IGF1R: variants seen among roughly 807,000 people sequenced by gnomAD.
IGF1R encodes insulin-like growth factor 1 receptor.
A neutral mutation model predicts 144.6 loss-of-function variants in IGF1R; 44 were observed. That is an observed-to-expected ratio of 0.30 (90% CI 0.24 to 0.39). The LOEUF (loss-of-function observed/expected upper bound fraction) is 0.39, where lower values mean the gene tolerates loss of function less well. Among genes scored for constraint, IGF1R ranks in the 10% least tolerant of loss-of-function variants. The probability of loss-of-function intolerance (pLI) is 1.00; values close to 1 mark genes in which losing one functional copy is unlikely to be tolerated. For missense variants in IGF1R, 1,355 were observed against 1,833.7 expected (o/e 0.74, Z 4.77); for synonymous variants, 795 against 722.8 (o/e 1.10, Z -1.60).
intron 2 of IGF1R, among the ~76,000 whole-genome samples, chr15:98,804,992 G>A (rs371580146): frequency 3.3e-5 from 5 of 152,252 alleles, no homozygotes; most frequent in South Asian, 2.1e-4. Flanking sequence ...CGCCACTCCC[G>A]GCCGCTGCAG....
intron 1 of IGF1R, among the ~76,000 whole-genome samples, chr15:98,684,260 C>CTA (rs3070568): frequency 0.34 from 51,176 of 151,914 alleles, 9,615 homozygotes; most frequent in African/African-American, 0.51. Flanking sequence ...CTGGCAGCCT[C>CTA]TGATAGATCT....
intron 2 of IGF1R, among the ~76,000 whole-genome samples, chr15:98,861,951 A>AT (rs1373730210): frequency 6.6e-6 from 1 of 152,180 alleles, no homozygotes; most frequent in Non-Finnish European, 1.5e-5. Flanking sequence ...TTTGGCCTCA[A>AT]TTTTTTGTTA....
intron 2 of IGF1R, among the ~76,000 whole-genome samples, chr15:98,725,814 T>G (rs10163023): frequency 0.099 from 15,138 of 152,208 alleles, 1,519 homozygotes; most frequent in African/African-American, 0.25. Flanking sequence ...AAAAGGTACT[T>G]CTTACATGGT....
intron 2 of IGF1R, among the ~76,000 whole-genome samples, chr15:98,846,875 T>C (rs1298376518): frequency 6.6e-6 from 1 of 152,198 alleles, no homozygotes; most frequent in Non-Finnish European, 1.5e-5. Context: ...AACACCTTGT[T>C]TTAGGCTTGC....
At chr15:98,757,201 G>A (rs552961943) in intron 2 of IGF1R, among the ~76,000 whole-genome samples, 44 of 151,618 alleles carry the variant, frequency 2.9e-4, no homozygotes, top group Middle Eastern at 3.4e-3. Context: ...TCACTCTGTC[G>A]CCCAGGCTGT....
chr15:98,856,466 T>C (rs1331769198), intron 2 of IGF1R, among the ~76,000 whole-genome samples: 2 of 152,230 alleles, frequency 1.3e-5, no homozygotes, highest in Admixed American at 1.3e-4. Flanking sequence ...TGTAAAACAC[T>C]TAGCGTTGGG....
intron 2 of IGF1R, among the ~76,000 whole-genome samples, chr15:98,810,648 A>G (rs1321501925): frequency 6.7e-6 from 1 of 149,862 alleles, no homozygotes; most frequent in Non-Finnish European, 1.5e-5. Flanking sequence ...TCCCGGCTTC[A>G]CGCCATTCTT....
intron 2 of IGF1R, among the ~76,000 whole-genome samples, chr15:98,812,811 G>A (rs1468029284): frequency 6.6e-6 from 1 of 152,144 alleles, no homozygotes; most frequent in African/African-American, 2.4e-5. Flanking sequence ...GTCCCTGCTT[G>A]GGGCATTGTC....
chr15:98,683,017 C>T (rs1342265476), intron 1 of IGF1R, among the ~76,000 whole-genome samples: 1 of 150,626 alleles, frequency 6.6e-6, no homozygotes. Context: ...CAGTGTATCT[C>T]GTGTGCACTG....
intron 1 of IGF1R, among the ~76,000 whole-genome samples, chr15:98,663,809 C>T (rs1231736492): frequency 1.3e-5 from 2 of 152,218 alleles, no homozygotes; most frequent in Non-Finnish European, 2.9e-5. Context: ...GGGCTCTTTC[C>T]AGTCCTTACC....
Position 98,962,746 on chromosome 15 carries a change from G to A in IGF1R, c.*5304G>A, listed in dbSNP as rs371305992. On this transcript the variant is annotated 3_prime_UTR_variant, in exon 21 of 21. Transcript: ENST00000650285. The stretch of plus-strand genomic sequence containing the variant: ...GGTTTTGAACTTGATTGTTCTTGAA[G>A]CTATCAGACCACATCGAGGCTCAGC... 71 of 233,566 alleles carry A rather than the reference G, an allele frequency of 3.0e-4. No homozygotes were observed. Among genetic ancestry groups the A allele is most frequent in the African/African-American group, 9.5e-4 (43 of 45,474 alleles). The allele number at this position is 233,566 out of a possible 1,614,324, so 14.5% of individuals were successfully genotyped here.
Position 98,963,349 on chromosome 15 carries a change from A to G in IGF1R, c.*5907A>G, listed in dbSNP as rs569683755. 2 of 233,504 alleles carry G rather than the reference A, an allele frequency of 8.6e-6. No individual in the cohort carries two copies. The highest frequency in any genetic ancestry group is 5.6e-5 in the Admixed American group (1 of 17,786). The allele number at this position is 233,504 out of a possible 1,614,324, so 14.5% of individuals were successfully genotyped here. A position where few individuals can be genotyped will look rare whatever the true frequency, so the allele number is the denominator to read the frequency against. On this transcript the variant is annotated 3_prime_UTR_variant, in exon 21 of 21. Transcript: ENST00000650285. ...TTTTGCCCTAGTTTATAACAAAGGA[A>G]TGATGATGATTTAAAAAGTAGTTCT... is the stretch of plus-strand genomic sequence containing the variant.
chr15:98,881,347 G>A (rs1184569374), intron 2 of IGF1R, among the ~76,000 whole-genome samples: 1 of 151,942 alleles, frequency 6.6e-6, no homozygotes, highest in African/African-American at 2.4e-5. Context: ...TTGAGATGGA[G>A]TCTCACTCTG....
intron 19 of IGF1R, among the ~76,000 whole-genome samples, chr15:98,947,906 C>T (rs1050705903): frequency 6.6e-6 from 1 of 152,130 alleles, no homozygotes; most frequent in Non-Finnish European, 1.5e-5. Flanking sequence ...CTCCCTTGGC[C>T]CAACTGGACC....
intron 1 of IGF1R, among the ~76,000 whole-genome samples, chr15:98,691,373 T>G (rs181021189): frequency 2.0e-5 from 3 of 151,276 alleles, no homozygotes; most frequent in East Asian, 1.9e-4. Context: ...TTTTGTTTTT[T>G]TTTTTTTTTG....
intron 1 of IGF1R, among the ~76,000 whole-genome samples, chr15:98,664,835 C>G (rs577709878): frequency 9.3e-5 from 14 of 151,000 alleles, no homozygotes; most frequent in African/African-American, 2.9e-4. Flanking sequence ...AGAGGAAATA[C>G]GCATTAGAAG....
intron 2 of IGF1R, among the ~76,000 whole-genome samples, chr15:98,769,129 AT>A (rs1336887008): frequency 9.0e-4 from 137 of 152,374 alleles, no homozygotes; most frequent in African/African-American, 3.2e-3. Context: ...AAGTGTATAA[AT>A]ATGTATTTCT....
At chr15:98,795,988 C>T (rs963303005) in intron 2 of IGF1R, among the ~76,000 whole-genome samples, 1 of 152,218 alleles carries the variant, frequency 6.6e-6, no homozygotes, top group Non-Finnish European at 1.5e-5. Context: ...TACAGCCATC[C>T]ATGGCGTGTT....
intron 11 of IGF1R, 87 bp from the exon 12 acceptor site, chr15:98,923,789 T>G: frequency 9.6e-7 from 1 of 1,038,988 alleles, no homozygotes. Flanking sequence ...CCCGTGTGGA[T>G]GGGGGGGTTA....
Sources: allele counts gnomAD v4.1 joint callset (sites outside exome capture counted in the v4.1 genomes callset), GRCh38; gene constraint gnomAD v4.1.1; transcripts MANE v1.5; gene names NCBI Gene and HGNC (gene_info 2026-07-23, HGNC 2026-07-21).